Variants in JAG2 observed in about 807,000 individuals in gnomAD.
JAG2 encodes the protein protein jagged-2.
A neutral mutation model predicts 141.7 loss-of-function variants in JAG2; 46 were observed. The observed-to-expected ratio is 0.32, with a 90% CI of 0.26 to 0.42. The LOEUF is 0.42. Ranked by LOEUF, JAG2 falls within the 10% of genes least tolerant of loss-of-function variation. JAG2 has a pLI of 1.00. For synonymous variants in JAG2, 862 were observed against 763.5 expected (o/e 1.13, Z -2.13); for missense variants, 1,500 against 1,817.5 (o/e 0.83, Z 3.18).
rs1449795679 is a variant in JAG2 at position 105,148,379 on chromosome 14, T to C, written c.2081A>G (p.Asn694Ser). ...HSRGRCYDLV[N>S]DFYCACDDGW... is the part of the protein sequence containing the mutation. Reference sequence around the variant, plus strand: ...GTCGTCGCACGCACAGTAGAAGTCATTGACCAGGTCGTAGCAGCGGCCGCG... The same window carrying C: ...GTCGTCGCACGCACAGTAGAAGTCACTGACCAGGTCGTAGCAGCGGCCGCG... Residue 694 changes from asparagine to serine, a missense_variant, in exon 16 of 26, where the codon AAT becomes AGT. Physicochemically the swap from Asn to Ser is conservative, Grantham distance 46 (BLOSUM62 1). Transcript: ENST00000331782. 10 of 1,612,216 alleles carry C rather than the reference T, an allele frequency of 6.2e-6. No homozygotes were observed. The highest frequency in any genetic ancestry group is 8.5e-6 in the Non-Finnish European group (10 of 1,179,568).
At position 105,144,983 on chromosome 14, in the gene JAG2, C is replaced by T. The variant is rs753736786; in HGVS notation, c.3031G>A (p.Val1011Met). ...TRAVARDRLL[V>M]LLCDRASSGA... ...GAGGACGCCCGGTCGCAAAGCAACACCAGCAGGCGGTCCCGTGCCACAGCC... is the reference window on the plus strand; with the variant it reads ...GAGGACGCCCGGTCGCAAAGCAACATCAGCAGGCGGTCCCGTGCCACAGCC... Residue 1011 changes from valine to methionine, a missense_variant, in exon 24 of 26, where the codon GTG becomes ATG. Transcript: ENST00000331782. 1.2e-6 allele frequency: 2 copies of T among 1,608,738 alleles called. No individual in the cohort carries two copies. Among genetic ancestry groups the T allele is most frequent in the East Asian group, 4.5e-5 (2 of 44,862 alleles).
chr14:105,147,392 C>T lies in JAG2; in HGVS notation c.2413G>A (p.Val805Ile). Residue 805 changes from valine to isoleucine, a missense_variant, in exon 20 of 26, where the codon GTT becomes ATT. Physicochemically the swap from Val to Ile is conservative, Grantham distance 29. Transcript: ENST00000331782. Reference protein sequence around the residue: ...PLPCYNGGICVDGVNWFRCEC... With the variant: ...PLPCYNGGICIDGVNWFRCEC... ...CAGCGGAACCAGTTGACGCCGTCAA[C>T]ACAGATGCCACCATTGTAGCTGCAG... 2 of 1,606,538 alleles carry T rather than the reference C, an allele frequency of 1.2e-6. No homozygotes were observed. The highest frequency in any genetic ancestry group is 1.7e-6 in the Non-Finnish European group (2 of 1,177,166).
intron 24 of JAG2, among the ~76,000 whole-genome samples, chr14:105,144,020 G>A (rs587738810): frequency 5.6e-4 from 84 of 149,350 alleles, no homozygotes; most frequent in Non-Finnish European, 1.0e-3. Flanking sequence ...GTGGAGGGGT[G>A]GAGGGTGTCC....
rs1162498886 is a variant in JAG2 at position 105,145,811 on chromosome 14, G to A, written c.2872C>T (p.Pro958Ser). The A allele has an allele frequency of 1.3e-6, 2 of 1,568,930 alleles. No individual in the cohort carries two copies. Among genetic ancestry groups the A allele is most frequent in the South Asian group, 1.2e-5 (1 of 85,466 alleles). The change falls in exon 23 of 26, where the codon CCC becomes TCC. Residue 958 changes from proline (P) to serine (S), a missense_variant. Physicochemically the swap from Pro to Ser is moderately conservative, Grantham distance 74. This residue lies in a region of JAG2 where 425 missense variants were observed against 441.0 expected (regional missense o/e 0.96). Transcript: ENST00000331782. ...AGGTGGCCGGAGCGTGGCAGGCAGGGGGTGCTCGGTGGCTCTTCTGCGCCG... is the reference window on the plus strand; with the variant it reads ...AGGTGGCCGGAGCGTGGCAGGCAGGAGGTGCTCGGTGGCTCTTCTGCGCCG... The part of the protein sequence containing the change: ...ECGAEEPPST[P>S]CLPRSGHLDN...
intron 2 of JAG2, among the ~76,000 whole-genome samples, chr14:105,164,312 C>T (rs111915209): frequency 6.6e-6 from 1 of 152,154 alleles, no homozygotes; most frequent in African/African-American, 2.4e-5. Context: ...ATGTACAAGG[C>T]GGACATGCCC....
rs368473093 is a variant in JAG2, at chr14:105,143,393, TGGCAGGATC to T, written c.3241+80_3241+88del. ...CAGGGACTTCTGTGTTCCTGGTGGC[TGGCAGGATC>T]GGCAGGATCGGCCGGCTCTGTGCCC... On this transcript the variant is annotated intron_variant, in intron 25 of 25. Coordinates refer to ENST00000331782, the MANE Select transcript of JAG2 (RefSeq NM_002226.5). 2.4e-4 allele frequency: 359 copies of T among 1,469,258 alleles called. 1 individual carries two copies. The highest frequency in any genetic ancestry group is 1.8e-3 in the Middle Eastern group (8 of 4,378). The allele number at this position is 1,469,258 out of a possible 1,614,324, so 91.0% of individuals were successfully genotyped here.
At position 105,150,785 on chromosome 14, in the gene JAG2, G is replaced by T; in HGVS notation, c.1429-8C>A. On this transcript the variant is annotated splice_region_variant and splice_polypyrimidine_tract_variant and intron_variant, in intron 11 of 25. Coordinates refer to ENST00000331782, the MANE Select transcript of JAG2 (RefSeq NM_002226.5). ...GTACCCGTTCACCAGGTCCTGGGCGGGCCAGCCAGGTGAGCGTCCCGCAGG... is the reference window on the plus strand; with the variant it reads ...GTACCCGTTCACCAGGTCCTGGGCGTGCCAGCCAGGTGAGCGTCCCGCAGG... 6.3e-7 allele frequency: 1 copy of T among 1,583,788 alleles called. No individual in the cohort carries two copies. The highest frequency in any genetic ancestry group is 8.6e-7 in the Non-Finnish European group (1 of 1,165,584).
intron 2 of JAG2, among the ~76,000 whole-genome samples, chr14:105,161,079 G>A (rs887179542): frequency 6.6e-6 from 1 of 152,000 alleles, no homozygotes; most frequent in African/African-American, 2.4e-5. Flanking sequence ...TGACTGTTGC[G>A]GGTCTGAGTG....
In JAG2 at chr14:105,149,187, G is replaced by A; in HGVS notation, c.1736C>T (p.Pro579Leu). ...KNCSVPREPC[P>L]GGACRVIDGC... ...CCCAGCACCTCTGCAGGCCCCGCCAGGGCACGGCTCGCGGGGCACGGAGCA... is the reference window on the plus strand; with the variant it reads ...CCCAGCACCTCTGCAGGCCCCGCCAAGGCACGGCTCGCGGGGCACGGAGCA... The change falls in exon 13 of 26, where the codon CCT becomes CTT. Residue 579 changes from proline (P) to leucine (L), a missense_variant. By Grantham distance (98) the Pro-to-Leu change is moderately conservative. This residue lies in a region of JAG2 where 875 missense variants were observed against 1,202.2 expected (regional missense o/e 0.73). Transcript: ENST00000331782. The A allele has an allele frequency of 1.5e-6, 2 of 1,354,438 alleles. No individual in the cohort carries two copies. The highest frequency in any genetic ancestry group is 3.3e-5 in the African/African-American group (2 of 61,392). The allele number at this position is 1,354,438 out of a possible 1,614,324, so 83.9% of individuals were successfully genotyped here. A position where few individuals can be genotyped will look rare whatever the true frequency, so the allele number is the denominator to read the frequency against.
intron 12 of JAG2, 105 bp downstream of exon 12, chr14:105,150,499 C>T (rs1888387953): frequency 8.2e-7 from 1 of 1,221,724 alleles, no homozygotes; most frequent in Non-Finnish European, 1.1e-6. Context: ...GGGACAACTT[C>T]CCCTGCAGCA....
At chr14:105,148,913 A>G in intron 14 of JAG2, 24 bp downstream of exon 14, 1 of 1,597,598 alleles carries the variant, frequency 6.3e-7, no homozygotes, top group Non-Finnish European at 8.5e-7. Flanking sequence ...CCCCACCACC[A>G]GCCCGCCGTT....
intron 2 of JAG2, among the ~76,000 whole-genome samples, chr14:105,165,142 C>T (rs1156573010): frequency 6.6e-6 from 1 of 151,926 alleles, no homozygotes; most frequent in Non-Finnish European, 1.5e-5. Flanking sequence ...GGCACGACTT[C>T]CAGCTGCACC....
chr14:105,147,404 C>T lies in JAG2; in HGVS notation c.2401G>A (p.Gly801Ser), dbSNP rs1232151804. Residue 801 changes from glycine (G) to serine (S), a missense_variant, in exon 20 of 26, where the codon GGT becomes AGT. Coordinates refer to ENST00000331782, the MANE Select transcript of JAG2 (RefSeq NM_002226.5). ...NDCNPLPCYN[G>S]GICVDGVNWF... ...TTGACGCCGTCAACACAGATGCCAC[C>T]ATTGTAGCTGCAGAGCAGAGGGTGG... is the stretch of plus-strand genomic sequence containing the variant. The T allele has an allele frequency of 6.2e-7, 1 of 1,609,362 alleles. No homozygotes were observed. Among genetic ancestry groups the T allele is most frequent in the Non-Finnish European group, 8.5e-7 (1 of 1,178,518 alleles).
Position 105,167,856 on chromosome 14 carries a change from C to A in JAG2, c.318G>T (p.Pro106=). The change falls in exon 2 of 26, where the codon CCG becomes CCT. Residue 106 remains proline, a synonymous_variant. Transcript: ENST00000331782. The surrounding 1 kb of genome is among the most constrained non-coding windows in gnomAD (Gnocchi z 4.8). The part of the protein sequence containing the change: ...PVLGGNSFYL[P]PAGAAGDRAR... ...CTCGGTCCCCCGCAGCGCCCGCCGG[C>A]GGCAGGTAGAAGGAGTTGCCGCCCA... The A allele has an allele frequency of 6.5e-7, 1 of 1,539,048 alleles. No homozygotes were observed. The highest frequency in any genetic ancestry group is 8.7e-7 in the Non-Finnish European group (1 of 1,152,002).
chr14:105,168,235 G>A, intron 1 of JAG2, 120 bp downstream of exon 1: 1 of 687,316 alleles, frequency 1.5e-6, no homozygotes. Flanking sequence ...AGCCCCAGCC[G>A]CCGCGCGCAG....
At chr14:105,165,051 C>G (rs1888868581) in intron 2 of JAG2, among the ~76,000 whole-genome samples, 1 of 152,226 alleles carries the variant, frequency 6.6e-6, no homozygotes, top group Admixed American at 6.5e-5. Context: ...CCAGCACACA[C>G]ATGCCAAGAC....
At chr14:105,151,876 C>A (rs1358825373) in intron 7 of JAG2, 62 bp downstream of exon 7, 50 of 1,611,300 alleles carry the variant, frequency 3.1e-5, no homozygotes, top group Middle Eastern at 1.7e-4. Flanking sequence ...TGGGGCCTGA[C>A]CGGCTCCCCA....
intron 24 of JAG2, 97 bp downstream of exon 24, chr14:105,144,833 G>A (rs1209016360): frequency 6.7e-7 from 1 of 1,488,430 alleles, no homozygotes; most frequent in Non-Finnish European, 9.1e-7. Context: ...TTCCGCACCA[G>A]GACTAGCCTC....
chr14:105,147,098 C>T (rs1488013153), intron 20 of JAG2: 2 of 621,764 alleles, frequency 3.2e-6, no homozygotes, highest in East Asian at 2.8e-5. Context: ...GCTCCCTGGG[C>T]CCCGGACTGG....
Sources: allele counts gnomAD v4.1 joint callset (sites outside exome capture counted in the v4.1 genomes callset), GRCh38; gene constraint gnomAD v4.1.1; regional missense constraint gnomAD v4.1.1; non-coding constraint Gnocchi (gnomAD v3.1); transcripts MANE v1.5; gene names NCBI Gene and HGNC (gene_info 2026-07-23, HGNC 2026-07-21).